DHX8: variants seen among roughly 807,000 people sequenced by gnomAD.
DHX8 encodes DEAH-box helicase 8.
A neutral mutation model predicts 140.7 loss-of-function variants in DHX8; 67 were observed. The ratio of observed to expected loss-of-function variants is 0.48; its 90% CI spans 0.39 to 0.58. The LOEUF is 0.58. Ranked by LOEUF, DHX8 falls within the 20% of genes least tolerant of loss-of-function variation. DHX8 has a pLI of 0.00. For synonymous variants in DHX8, 533 were observed against 553.2 expected (o/e 0.96, Z 0.51); for missense variants, 887 against 1,550.7 (o/e 0.57, Z 7.19).
At chr17:43,543,164 C>A (rs1261904305) in intron 3 of DHX8, among the ~76,000 whole-genome samples, 1 of 151,906 alleles carries the variant, frequency 6.6e-6, no homozygotes, top group Non-Finnish European at 1.5e-5. Flanking sequence ...GAGAGGGAAC[C>A]AAGGAGATCC....
At chr17:43,533,378 G>T in intron 2 of DHX8, 2 of 1,593,728 alleles carry the variant, frequency 1.3e-6, no homozygotes, top group Non-Finnish European at 8.6e-7. Flanking sequence ...AGGGGTGAGG[G>T]GGCAGAGAAG....
intron 11 of DHX8, among the ~76,000 whole-genome samples, chr17:43,501,328 A>G (rs1969183590): frequency 6.6e-6 from 1 of 152,114 alleles, no homozygotes; most frequent in Admixed American, 6.6e-5. Flanking sequence ...GTGGGAAAGA[A>G]GGAACTGAAA....
chr17:43,540,223 C>A (rs915683052), intron 3 of DHX8, among the ~76,000 whole-genome samples: 1 of 152,166 alleles, frequency 6.6e-6, no homozygotes, highest in East Asian at 1.9e-4. Flanking sequence ...GAGGCTGAGG[C>A]AGGCAGACGA....
chr17:43,498,402 C>T (rs1968991575), intron 9 of DHX8, among the ~76,000 whole-genome samples: 2 of 151,800 alleles, frequency 1.3e-5, no homozygotes, highest in Admixed American at 6.6e-5. Flanking sequence ...CCGCCTTAGC[C>T]TCCCAAAGTG....
chr17:43,542,901 G>A (rs1971593022), intron 3 of DHX8, among the ~76,000 whole-genome samples: 1 of 152,092 alleles, frequency 6.6e-6, no homozygotes, highest in South Asian at 2.1e-4. Context: ...CCCACCACTG[G>A]CAAGTTTCCA....
In DHX8 at chr17:43,524,009, A is replaced by G; in HGVS notation, c.*162A>G. On this transcript the variant is annotated 3_prime_UTR_variant, in exon 23 of 23. Coordinates refer to ENST00000262415, the MANE Select transcript of DHX8 (RefSeq NM_004941.3). ...TCTTCCCTGCTGGTAAAATAGAAAC[A>G]GGGATTTAAACCTGGCTTTGGCAAG... The G allele has an allele frequency of 6.9e-7, 1 of 1,441,336 alleles. No homozygotes were observed. The highest frequency in any genetic ancestry group is 9.1e-7 in the Non-Finnish European group (1 of 1,102,508). The allele number at this position is 1,441,336 out of a possible 1,614,324, so 89.3% of individuals were successfully genotyped here.
downstream of DHX8, chr17:43,528,759 AG>A (rs1970720819): frequency 6.2e-7 from 1 of 1,609,610 alleles, no homozygotes; most frequent in African/African-American, 1.3e-5. Context: ...GGGAGAGAGA[AG>A]GTCTGGTCAG....
At chr17:43,533,709 C>A (rs1372134406) in intron 2 of DHX8, 8 of 1,007,992 alleles carry the variant, frequency 7.9e-6, no homozygotes, top group Non-Finnish European at 7.2e-6. Context: ...CAGAGGAAAT[C>A]CTTAGCTGTA....
chr17:43,522,282 A>C, intron 22 of DHX8, 56 bp downstream of exon 22: 1 of 1,532,806 alleles, frequency 6.5e-7, no homozygotes, highest in Non-Finnish European at 8.8e-7. Context: ...AAAACCTGTA[A>C]ATTTCCTGGT....
At chr17:43,505,324 G>A (rs567883983) in intron 12 of DHX8, among the ~76,000 whole-genome samples, 126 of 152,178 alleles carry the variant, frequency 8.3e-4, no homozygotes, top group African/African-American at 2.9e-3. Flanking sequence ...CAGGAGAATC[G>A]CTTGAATCAG....
chr17:43,524,115 C>T lies in DHX8; in HGVS notation c.*268C>T. ...ACACAGAGACACATTGCATCAACTT[C>T]AAGAAAGGGACAATTTGTGCAGCTC... On this transcript the variant is annotated 3_prime_UTR_variant, in exon 23 of 23. Coordinates refer to ENST00000262415, the MANE Select transcript of DHX8 (RefSeq NM_004941.3). 2 of 1,300,614 alleles carry T rather than the reference C, an allele frequency of 1.5e-6. No homozygotes were observed. The highest frequency in any genetic ancestry group is 2.0e-6 in the Non-Finnish European group (2 of 1,016,788). The allele number at this position is 1,300,614 out of a possible 1,614,324, so 80.6% of individuals were successfully genotyped here.
chr17:43,512,812 A>G (rs984162141), intron 16 of DHX8, among the ~76,000 whole-genome samples: 3 of 152,218 alleles, frequency 2.0e-5, no homozygotes. Flanking sequence ...TCCAGATCAC[A>G]TAGACTGCTA....
At chr17:43,512,317 G>A (rs551803571) in intron 16 of DHX8, among the ~76,000 whole-genome samples, 17 of 151,062 alleles carry the variant, frequency 1.1e-4, no homozygotes, top group Non-Finnish European at 1.2e-4. Context: ...AACCCGGGAG[G>A]TGGAGGTTGC....
At chr17:43,496,662 C>G (rs1295693903) in intron 9 of DHX8, among the ~76,000 whole-genome samples, 2 of 152,054 alleles carry the variant, frequency 1.3e-5, no homozygotes, top group African/African-American at 4.8e-5. Context: ...TGCCTATCGT[C>G]CCAGCTACTC....
chr17:43,529,374 A>C (rs1970764512), downstream of DHX8: 1 of 1,401,052 alleles, frequency 7.1e-7, no homozygotes, highest in Non-Finnish European at 9.9e-7. Context: ...CCACAGACTT[A>C]GGCTTGGCAA....
At chr17:43,504,963 T>G in intron 12 of DHX8, 138 bp downstream of exon 12, 1 of 820,364 alleles carries the variant, frequency 1.2e-6, no homozygotes, top group Non-Finnish European at 1.9e-6. Flanking sequence ...GAAAGAAGGA[T>G]AAAACTTTCT....
At chr17:43,529,024 C>T, downstream of DHX8, 1 of 1,044,540 alleles carries the variant, frequency 9.6e-7, no homozygotes. Context: ...CTGACTGATT[C>T]ATTATCTGAT....
downstream of DHX8, chr17:43,528,549 T>C (rs767526603): frequency 3.1e-6 from 5 of 1,612,522 alleles, no homozygotes; most frequent in South Asian, 5.5e-5. Context: ...TGGGGCCAAA[T>C]GGCTGGGCGG....
chr17:43,510,800 G>C (rs189761123), intron 16 of DHX8, among the ~76,000 whole-genome samples: 2 of 152,098 alleles, frequency 1.3e-5, no homozygotes, highest in East Asian at 3.9e-4. Context: ...CCTCTGCTCA[G>C]CCTCTGGAAA....
Sources: gnomAD v4.1 joint callset for allele counts (sites outside exome capture counted in the v4.1 genomes callset) on GRCh38, gnomAD v4.1.1 for gene constraint, MANE v1.5 for transcripts, NCBI Gene and HGNC (gene_info 2026-07-23, HGNC 2026-07-21) for gene names.